Variants in PRICKLE1 observed in about 807,000 individuals in gnomAD.
PRICKLE1 encodes the protein prickle planar cell polarity protein 1.
In PRICKLE1, 14 loss-of-function variants were observed where a neutral mutation model predicts 70.2. The ratio of observed to expected loss-of-function variants is 0.20; its 90% CI spans 0.13 to 0.31. PRICKLE1 has a LOEUF of 0.31. PRICKLE1 is among the 10% of genes least tolerant of loss of function. The pLI is 1.00. For synonymous variants in PRICKLE1, 357 were observed against 379.9 expected, an observed-to-expected ratio of 0.94 and a Z score of 0.70; for missense variants, 821 against 1,026.2, an observed-to-expected ratio of 0.80 and a Z score of 2.73.
Position 42,547,424 on chromosome 12 carries a change from G to C in PRICKLE1, c.-49+42041C>G, listed in dbSNP as rs76545674. Among the ~76,000 whole-genome samples the C allele has an allele frequency of 4.1e-3, 622 of 152,264 alleles. 9 individuals are homozygous for C. In the South Asian group the frequency reaches 0.043, roughly 10 times the overall value. ...TTATGTAATATAACAGATGTACAAA[G>C]GCCAGCAGCACCATGCCATGGATAA... On this transcript the variant is annotated intron_variant, in intron 1 of 7. Coordinates refer to ENST00000345127, the MANE Select transcript of PRICKLE1 (RefSeq NM_153026.3).
intron 1 of PRICKLE1, among the ~76,000 whole-genome samples, chr12:42,511,032 A>G (rs1939503266): frequency 6.6e-6 from 1 of 152,224 alleles, no homozygotes; most frequent in Non-Finnish European, 1.5e-5. Flanking sequence ...CTTCAAAAGA[A>G]GCAGGCCCAG....
chr12:42,576,210 T>A (rs762703506), intron 1 of PRICKLE1, among the ~76,000 whole-genome samples: 16 of 152,238 alleles, frequency 1.1e-4, no homozygotes, highest in Non-Finnish European at 1.9e-4. Flanking sequence ...CAATTTCTCC[T>A]TACTTTTCAG....
intron 1 of PRICKLE1, among the ~76,000 whole-genome samples, chr12:42,517,613 A>C (rs2120446476): frequency 6.6e-6 from 1 of 152,102 alleles, no homozygotes; most frequent in Middle Eastern, 3.4e-3. Flanking sequence ...CACCTGGCCC[A>C]GTCTGCCATC....
intron 1 of PRICKLE1, among the ~76,000 whole-genome samples, chr12:42,517,470 G>A (rs1001728518): frequency 4.0e-5 from 6 of 151,858 alleles, no homozygotes; most frequent in Non-Finnish European, 7.4e-5. Context: ...CCGCCACCAC[G>A]CCCAGCTAGT....
chr12:42,489,386 G>A lies in PRICKLE1; in HGVS notation c.-48-16822C>T, dbSNP rs569051700. On this transcript the variant is annotated intron_variant, in intron 1 of 7. Transcript: ENST00000345127. ...TAACATTCCAAATTTAAGGCCGGGC[G>A]CAGTGGCTCATGCCTGTAATCCCAG... is the stretch of plus-strand genomic sequence containing the variant. 6.6e-5 allele frequency among the ~76,000 whole-genome samples: 10 copies of A among 151,224 alleles called. No homozygotes were observed. The South Asian group carries it at 1.0e-3, about 16-fold the overall frequency.
chr12:42,524,419 T>C (rs1177438317), intron 1 of PRICKLE1, among the ~76,000 whole-genome samples: 1 of 152,134 alleles, frequency 6.6e-6, no homozygotes, highest in Non-Finnish European at 1.5e-5. Context: ...TATTTTTATT[T>C]TATTTTATTT....
chr12:42,466,426 G>C, intron 5 of PRICKLE1, 46 bp from the exon 6 acceptor site: 1 of 1,577,462 alleles, frequency 6.3e-7, no homozygotes, highest in Non-Finnish European at 8.7e-7. Context: ...AAATCATTAG[G>C]AACTATTTTA....
chr12:42,565,452 C>T (rs572507519), intron 1 of PRICKLE1, among the ~76,000 whole-genome samples: 2 of 152,242 alleles, frequency 1.3e-5, no homozygotes, highest in South Asian at 4.1e-4. Context: ...ATCCCCTGCC[C>T]CAAATTGGTA....
At chr12:42,559,633 TTTTGGG>T (rs1428472881) in intron 1 of PRICKLE1, among the ~76,000 whole-genome samples, 34 of 109,594 alleles carry the variant, frequency 3.1e-4, no homozygotes, top group African/African-American at 1.2e-3. Context: ...TATTTTTTTT[TTTTGGG>T]GGGGGTAGAG....
At chr12:42,478,732 T>C (rs1386561162) in intron 1 of PRICKLE1, among the ~76,000 whole-genome samples, 4 of 152,048 alleles carry the variant, frequency 2.6e-5, no homozygotes, top group Admixed American at 6.5e-5. Flanking sequence ...TACTCTTTTT[T>C]TTTTTTTTTA....
In PRICKLE1 at chr12:42,517,306, A is replaced by ATTTTTTTTT. The variant is rs71794718; in HGVS notation, c.-48-44751_-48-44743dup. On this transcript the variant is annotated intron_variant, in intron 1 of 7. Transcript: ENST00000345127. The stretch of plus-strand genomic sequence containing the variant: ...ACTAAATGTGTGTACTCAGTCTGCC[A>ATTTTTTTTT]TTTTTTTTTTTTTTTTTTTTTTTTG... Among the ~76,000 whole-genome samples the ATTTTTTTTT allele has an allele frequency of 1.6e-4, 14 of 88,954 alleles. 1 individual carries two copies. The highest frequency in any genetic ancestry group is 3.6e-4 in the African/African-American group (8 of 22,192). 58.4% of individuals were successfully genotyped at this position (88,954 alleles called of 152,430 possible).
chr12:42,465,001 G>C lies in PRICKLE1; in HGVS notation c.1033C>G (p.Gln345Glu). Residue 345 changes from glutamine to glutamate, a missense_variant, in exon 7 of 8, where the codon CAG (glutamine) becomes GAG (glutamate). Coordinates refer to ENST00000345127, the MANE Select transcript of PRICKLE1 (RefSeq NM_153026.3). The stretch of plus-strand genomic sequence containing the variant: ...GATAAGAGGAGAGACTGTCTACACT[G>C]ATCTGCTGACCGGCTGCTCTTGCCC... ...RMGKSSRSADQCRQSLLLSPA... is the reference protein window; with the variant it reads ...RMGKSSRSADECRQSLLLSPA... The C allele has an allele frequency of 6.2e-7, 1 of 1,609,296 alleles. No individual in the cohort carries two copies. The highest frequency in any genetic ancestry group is 1.1e-5 in the South Asian group (1 of 90,188).
At chr12:42,529,162 G>A (rs1939863968) in intron 1 of PRICKLE1, among the ~76,000 whole-genome samples, 1 of 152,140 alleles carries the variant, frequency 6.6e-6, no homozygotes, top group South Asian at 2.1e-4. Context: ...AAAATACCTA[G>A]TCCTTCAAAA....
At position 42,460,040 on chromosome 12, in the gene PRICKLE1, G is replaced by A. The variant is rs148989635; in HGVS notation, c.2265C>T (p.Tyr755=). 37 of 1,613,994 alleles carry A rather than the reference G, an allele frequency of 2.3e-5. No homozygotes were observed. The highest frequency in any genetic ancestry group is 3.3e-5 in the Admixed American group (2 of 59,988). The change falls in exon 8 of 8, where the codon TAC becomes TAT. Residue 755 remains tyrosine, a synonymous_variant. Coordinates refer to ENST00000345127, the MANE Select transcript of PRICKLE1 (RefSeq NM_153026.3). ...NPGMNRFLGL[Y]GEDDDSWCSS... is the part of the protein sequence containing the mutation. ...AACACCAGGAATCATCATCCTCGCCGTAGAGTCCCAGAAACCGATTCATTC... is the reference window on the plus strand; with the variant it reads ...AACACCAGGAATCATCATCCTCGCCATAGAGTCCCAGAAACCGATTCATTC...
At chr12:42,479,954 TAA>T (rs201559277) in intron 1 of PRICKLE1, among the ~76,000 whole-genome samples, 1 of 144,526 alleles carries the variant, frequency 6.9e-6, no homozygotes, top group African/African-American at 2.5e-5. Context: ...AACTCCATCT[TAA>T]AAAAAAAAAA....
At chr12:42,563,943 C>G (rs1025650317) in intron 1 of PRICKLE1, among the ~76,000 whole-genome samples, 1 of 151,792 alleles carries the variant, frequency 6.6e-6, no homozygotes, top group African/African-American at 2.4e-5. Flanking sequence ...AAACTTATGC[C>G]ATCCTTCTCC....
intron 1 of PRICKLE1, among the ~76,000 whole-genome samples, chr12:42,544,194 A>G (rs2708031): frequency 0.11 from 17,200 of 152,160 alleles, 1,775 homozygotes; most frequent in African/African-American, 0.28. Context: ...CAAGAAACAT[A>G]CTAGGCTGCC....
chr12:42,484,102 T>G (rs922613134), intron 1 of PRICKLE1: 54 of 108,512 alleles, frequency 5.0e-4, no homozygotes, highest in Non-Finnish European at 8.5e-4. Flanking sequence ...CGGACCCAGC[T>G]CCCCGCTCCC....
chr12:42,465,082 A>G lies in PRICKLE1; in HGVS notation c.952T>C (p.Ser318Pro), dbSNP rs1203241244. Residue 318 changes from serine (S) to proline (P), a missense_variant, in exon 7 of 8, where the codon TCC (serine) becomes CCC (proline). Ser to Pro is a moderately conservative substitution (Grantham distance 74). Transcript: ENST00000345127. ...LGEDVHASDSSDSAFQSARSR... is the reference protein window; with the variant it reads ...LGEDVHASDSPDSAFQSARSR... ...CGAGCTGACTGAAATGCAGAGTCGG[A>G]AGAATCAGAGGCATGGACGTCTTCA... 2.6e-6 allele frequency: 4 copies of G among 1,567,404 alleles called. No homozygotes were observed. The highest frequency in any genetic ancestry group is 1.9e-5 in the Admixed American group (1 of 52,132).
Sources: gnomAD v4.1 joint callset for allele counts (sites outside exome capture counted in the v4.1 genomes callset) on GRCh38, gnomAD v4.1.1 for gene constraint, MANE v1.5 for transcripts, NCBI Gene and HGNC (gene_info 2026-07-23, HGNC 2026-07-21) for gene names.